The following TAFA5 variants were observed in gnomAD, a reference collection of about 807,000 sequenced individuals.
The protein encoded by TAFA5 is chemokine-like protein TAFA-5.
Under a neutral mutation model 15.3 loss-of-function variants are expected in TAFA5, and 6 were observed. The observed-to-expected ratio is 0.39, with a 90% confidence interval of 0.21 to 0.77. The LOEUF (loss-of-function observed/expected upper bound fraction) is 0.77. Among genes scored for constraint, TAFA5 ranks in the 30% least tolerant of loss-of-function variants. TAFA5 has a pLI of 0.41. For missense variants in TAFA5, 161 were observed against 193.1 expected, an observed-to-expected ratio of 0.83 and a Z score of 0.98; for synonymous variants, 103 against 80.7, an observed-to-expected ratio of 1.28 and a Z score of -1.48.
At chr22:48,649,594 G>C (rs950007701) in intron 2 of TAFA5, among the ~76,000 whole-genome samples, 1 of 152,162 alleles carries the variant, frequency 6.6e-6, no homozygotes, top group Non-Finnish European at 1.5e-5. Flanking sequence ...CTCAGGCCTC[G>C]GTTCTACAGA....
At position 48,602,688 on chromosome 22, in the gene TAFA5, T is replaced by C. The variant is rs142873983; in HGVS notation, c.113-43909T>C. Among the ~76,000 whole-genome samples the C allele has an allele frequency of 1.1e-3, 162 of 152,332 alleles. 1 individual carries two copies. Among genetic ancestry groups the C allele is most frequent in the African/African-American group, 3.6e-3 (150 of 41,576 alleles). ...ACGCTTGGCTCGCCGCACATGTCTG[T>C]TGGACTCTGGCTGTGGCCGTTTCTC... On this transcript the variant is annotated intron_variant, in intron 1 of 3. Coordinates refer to ENST00000402357, the MANE Select transcript of TAFA5 (RefSeq NM_001082967.3).
chr22:48,749,962 T>G lies in TAFA5; in HGVS notation c.*115T>G. 1 of 1,032,610 alleles carries G rather than the reference T, an allele frequency of 9.7e-7. No individual in the cohort carries two copies. Among genetic ancestry groups the G allele is most frequent in the Non-Finnish European group, 1.5e-6 (1 of 689,638 alleles). 64.0% of individuals were successfully genotyped at this position (1,032,610 alleles called of 1,614,324 possible). A position where few individuals can be genotyped will look rare whatever the true frequency, so the allele number is the denominator to read the frequency against. On this transcript the variant is annotated 3_prime_UTR_variant, in exon 4 of 4. Coordinates refer to ENST00000402357, the MANE Select transcript of TAFA5 (RefSeq NM_001082967.3). ...CACCCGTTCTCTGCCGCCCGCCCAC[T>G]CCGTTTCCCTGTGGTCCGTGAAGGA...
chr22:48,613,460 C>T (rs1925484877), intron 1 of TAFA5, among the ~76,000 whole-genome samples: 1 of 152,168 alleles, frequency 6.6e-6, no homozygotes, highest in Admixed American at 6.5e-5. Context: ...GGTCCATCTC[C>T]CCCACTCTGT....
chr22:48,520,916 G>T (rs1921580157), intron 1 of TAFA5, among the ~76,000 whole-genome samples: 1 of 152,208 alleles, frequency 6.6e-6, no homozygotes, highest in Admixed American at 6.5e-5. Flanking sequence ...GGGATGACAG[G>T]TTGTGATCCA....
intron 1 of TAFA5, among the ~76,000 whole-genome samples, chr22:48,537,790 A>G (rs1922221434): frequency 6.6e-6 from 1 of 152,198 alleles, no homozygotes; most frequent in South Asian, 2.1e-4. Flanking sequence ...AGACTAAGCC[A>G]GGCTCCTGCC....
intron 1 of TAFA5, among the ~76,000 whole-genome samples, chr22:48,572,753 G>A (rs1411234451): frequency 6.6e-6 from 1 of 152,182 alleles, no homozygotes; most frequent in Non-Finnish European, 1.5e-5. Flanking sequence ...ATACAGTAAT[G>A]TGTTTTCTTT....
Position 48,576,646 on chromosome 22 carries a change from C to T in TAFA5, c.113-69951C>T, listed in dbSNP as rs902826751. 6.3e-6 allele frequency: 8 copies of T among 1,260,536 alleles called. No homozygotes were observed. In the African/African-American group the frequency reaches 9.3e-5, roughly 15 times the overall value. The allele number at this position is 1,260,536 out of a possible 1,614,324, so 78.1% of individuals were successfully genotyped here. ...GCGGCGGCTCCGGCGCCCGACCCGG[C>T]TTCCAGCACGTTCCGCTGCCGCCGC... On this transcript the variant is annotated intron_variant, in intron 1 of 3. Transcript: ENST00000402357.
chr22:48,624,318 G>A (rs1054565804), intron 1 of TAFA5, among the ~76,000 whole-genome samples: 1 of 152,154 alleles, frequency 6.6e-6, no homozygotes, highest in Non-Finnish European at 1.5e-5. Context: ...GCCTGGGGTC[G>A]TGTGGGTCAG....
intron 1 of TAFA5, among the ~76,000 whole-genome samples, chr22:48,602,718 G>T (rs1205961730): frequency 6.6e-6 from 1 of 152,192 alleles, no homozygotes; most frequent in Non-Finnish European, 1.5e-5. Context: ...TTTCTCAGGG[G>T]ACTGTGTGGC....
At chr22:48,721,036 C>T (rs937725265) in intron 3 of TAFA5, among the ~76,000 whole-genome samples, 1 of 152,230 alleles carries the variant, frequency 6.6e-6, no homozygotes, top group African/African-American at 2.4e-5. Flanking sequence ...AGGCCACTGT[C>T]CCCTGCTGGG....
chr22:48,515,976 G>A (rs1921391539), intron 1 of TAFA5, among the ~76,000 whole-genome samples: 1 of 151,936 alleles, frequency 6.6e-6, no homozygotes, highest in African/African-American at 2.4e-5. Context: ...GGCAACCCGG[G>A]CAGCCACCCT....
At chr22:48,610,671 G>A (rs375552151) in intron 1 of TAFA5, among the ~76,000 whole-genome samples, 1 of 152,182 alleles carries the variant, frequency 6.6e-6, no homozygotes, top group South Asian at 2.1e-4. Flanking sequence ...GTCAGCGTTG[G>A]GCCGTGTGAT....
intron 1 of TAFA5, among the ~76,000 whole-genome samples, chr22:48,561,096 G>A (rs544476951): frequency 7.8e-4 from 119 of 152,244 alleles, no homozygotes; most frequent in African/African-American, 2.6e-3. Context: ...GATGGGAGGT[G>A]ATGCATCCCA....
intron 1 of TAFA5, among the ~76,000 whole-genome samples, chr22:48,535,511 G>C (rs116783538): frequency 1.3e-5 from 2 of 151,978 alleles, no homozygotes; most frequent in Admixed American, 1.3e-4. Flanking sequence ...CAATGTACAC[G>C]TTCACACAGG....
At chr22:48,730,335 G>A (rs531835704) in intron 3 of TAFA5, among the ~76,000 whole-genome samples, 17 of 151,866 alleles carry the variant, frequency 1.1e-4, no homozygotes, top group African/African-American at 3.9e-4. Context: ...ACAGTGAGCC[G>A]AGATCACGCC....
chr22:48,551,356 G>C (rs538060561), intron 1 of TAFA5, among the ~76,000 whole-genome samples: 1 of 152,268 alleles, frequency 6.6e-6, no homozygotes, highest in East Asian at 1.9e-4. Flanking sequence ...GTCTTGGCAG[G>C]TGCCAGCCCC....
chr22:48,741,060 C>T (rs892261762), intron 3 of TAFA5, among the ~76,000 whole-genome samples: 8 of 152,200 alleles, frequency 5.3e-5, no homozygotes, highest in Admixed American at 3.9e-4. Flanking sequence ...CCCCGAGGTG[C>T]GCTCACAGCG....
intron 3 of TAFA5, among the ~76,000 whole-genome samples, chr22:48,744,106 C>T (rs1441720660): frequency 6.6e-6 from 1 of 152,220 alleles, no homozygotes. Flanking sequence ...TGTGCAGCCC[C>T]ACGGCACGGG....
chr22:48,621,504 A>AG (rs1238541604), intron 1 of TAFA5, among the ~76,000 whole-genome samples: 4 of 152,002 alleles, frequency 2.6e-5, no homozygotes, highest in Non-Finnish European at 4.4e-5. Context: ...TGGCCGGGGT[A>AG]GGGGCTGTTG....
Sources: gnomAD v4.1 joint callset for allele counts (sites outside exome capture counted in the v4.1 genomes callset) on GRCh38, gnomAD v4.1.1 for gene constraint, MANE v1.5 for transcripts, NCBI Gene and HGNC (gene_info 2026-07-23, HGNC 2026-07-21) for gene names.